Variants in METAP1 observed in about 807,000 individuals in gnomAD.
The protein encoded by METAP1 is methionyl aminopeptidase 1, also known as methionine aminopeptidase 1.
A neutral mutation model predicts 53.8 loss-of-function variants in METAP1; 28 were observed. The ratio of observed to expected loss-of-function variants is 0.52; its 90% CI spans 0.39 to 0.71. The LOEUF (loss-of-function observed/expected upper bound fraction) is 0.71. Ranked by LOEUF, METAP1 falls within the 30% of genes least tolerant of loss-of-function variation. The probability of loss-of-function intolerance (pLI) is 0.00; values close to 1 mark genes in which losing one functional copy is unlikely to be tolerated. For missense variants in METAP1, 389 were observed against 479.8 expected (o/e 0.81, Z 1.77); for synonymous variants, 181 against 165.7 (o/e 1.09, Z -0.71).
intron 1 of METAP1, chr4:99,026,411 T>C (rs772542347): frequency 7.1e-6 from 7 of 985,400 alleles, no homozygotes; most frequent in Non-Finnish European, 7.2e-6. Flanking sequence ...AGTGTGGACA[T>C]TTTTTAGAGA....
chr4:99,040,949 C>A, intron 5 of METAP1, 94 bp from the exon 6 acceptor site: 1 of 550,000 alleles, frequency 1.8e-6, no homozygotes, highest in Non-Finnish European at 3.0e-6. Context: ...AGGGGAGATT[C>A]ATTTTTACCA....
chr4:99,040,474 A>AT (rs35357531), intron 5 of METAP1, among the ~76,000 whole-genome samples: 78,978 of 146,548 alleles, frequency 0.54, 21,772 homozygotes, highest in South Asian at 0.68. Context: ...TCATTCATCT[A>AT]TTTTTTTTTT....
At chr4:98,996,640 A>T (rs1248905697) in intron 1 of METAP1, among the ~76,000 whole-genome samples, 2 of 152,210 alleles carry the variant, frequency 1.3e-5, no homozygotes, top group Non-Finnish European at 2.9e-5. Context: ...TGAATGCTGT[A>T]GTGTATTTTA....
At chr4:99,047,227 A>C (rs915088058) in intron 8 of METAP1, among the ~76,000 whole-genome samples, 10 of 152,160 alleles carry the variant, frequency 6.6e-5, no homozygotes, top group Non-Finnish European at 1.3e-4. Context: ...GGGCCTGATA[A>C]TTTTTTGTTG....
intron 1 of METAP1, chr4:98,997,262 A>G (rs892061832): frequency 6.5e-6 from 1 of 152,708 alleles, no homozygotes; most frequent in African/African-American, 2.4e-5. Flanking sequence ...GCGATTGCAA[A>G]AGGTCTTAGC....
chr4:99,056,471 TG>T (rs1015523041), intron 9 of METAP1, among the ~76,000 whole-genome samples: 4 of 152,206 alleles, frequency 2.6e-5, no homozygotes, highest in African/African-American at 7.2e-5. Flanking sequence ...AAAAAGTACT[TG>T]GAGAGAGAAA....
intron 7 of METAP1, among the ~76,000 whole-genome samples, chr4:99,044,083 A>G (rs994377417): frequency 1.3e-5 from 2 of 152,040 alleles, no homozygotes; most frequent in Non-Finnish European, 1.5e-5. Flanking sequence ...CATTGCTACC[A>G]TGCCCAGCTC....
chr4:99,018,512 G>T (rs896209811), intron 1 of METAP1, among the ~76,000 whole-genome samples: 2 of 152,308 alleles, frequency 1.3e-5, no homozygotes, highest in Admixed American at 1.3e-4. Context: ...CTTCTGTCCT[G>T]TATGGGGGTC....
chr4:99,023,462 G>GAAAGAAT, intron 1 of METAP1: 1 of 980,658 alleles, frequency 1.0e-6, no homozygotes, highest in Non-Finnish European at 1.2e-6. Context: ...GTTACCAGGT[G>GAAAGAAT]ACTACTCAGC....
chr4:99,023,525 G>C (rs937123391), intron 1 of METAP1: 5 of 985,210 alleles, frequency 5.1e-6, no homozygotes, highest in Non-Finnish European at 6.0e-6. Flanking sequence ...TCATCAACAT[G>C]AATTGATGTT....
rs1017264939 is a variant in METAP1 at position 99,022,850 on chromosome 4, T to C, written c.115-6017T>C. 8.3e-6 allele frequency: 13 copies of C among 1,559,978 alleles called. No homozygotes were observed. The African/African-American group carries it at 1.6e-4, about 20-fold the overall frequency. On this transcript the variant is annotated intron_variant, in intron 1 of 10. Coordinates refer to ENST00000296411, the MANE Select transcript of METAP1 (RefSeq NM_015143.3). ...CTTGCTGTGGTACTGCTTTTTTCCC[T>C]CCCACGGCTGCTGCTGCCTTCTTTT...
intron 5 of METAP1, among the ~76,000 whole-genome samples, 151 bp downstream of exon 5, chr4:99,039,616 C>A (rs938893779): frequency 1.2e-4 from 18 of 148,828 alleles, no homozygotes. Context: ...TTTTTTGAGA[C>A]AGAGTTTCAC....
At chr4:99,012,910 G>A (rs62323253) in intron 1 of METAP1, among the ~76,000 whole-genome samples, 4,843 of 152,142 alleles carry the variant, frequency 0.032, 82 homozygotes, top group African/African-American at 0.04. Context: ...TCATAGGTGG[G>A]TTCAAAGATT....
chr4:99,055,423 A>G (rs1043567880), intron 9 of METAP1, among the ~76,000 whole-genome samples: 2 of 151,988 alleles, frequency 1.3e-5, no homozygotes, highest in African/African-American at 4.8e-5. Context: ...AGAAAGAAGG[A>G]AGCAGTATCT....
intron 1 of METAP1, chr4:99,022,332 A>G (rs1032474257): frequency 1.2e-6 from 1 of 841,476 alleles, no homozygotes; most frequent in Non-Finnish European, 1.7e-6. Context: ...TGACCAGGGA[A>G]GATCCCTCCA....
intron 6 of METAP1, 115 bp downstream of exon 6, chr4:99,041,241 T>C: frequency 3.5e-6 from 2 of 575,588 alleles, no homozygotes; most frequent in East Asian, 3.1e-5. Flanking sequence ...GTAAACTCAT[T>C]TGAAAGCAAA....
At chr4:99,008,836 ACACC>A (rs1342159390) in intron 1 of METAP1, among the ~76,000 whole-genome samples, 1 of 152,224 alleles carries the variant, frequency 6.6e-6, no homozygotes, top group East Asian at 1.9e-4. Context: ...TGCATTATAT[ACACC>A]TATACAGTTT....
At chr4:99,016,100 G>A (rs62323254) in intron 1 of METAP1, among the ~76,000 whole-genome samples, 3,359 of 152,282 alleles carry the variant, frequency 0.022, 46 homozygotes, top group Non-Finnish European at 0.035. Context: ...AGGCTGATGC[G>A]ATTGTACTGG....
chr4:99,003,457 G>T (rs376810117), intron 1 of METAP1, among the ~76,000 whole-genome samples: 25 of 152,242 alleles, frequency 1.6e-4, no homozygotes, highest in African/African-American at 5.5e-4. Context: ...TCTGAGTGGG[G>T]ATTTATGTTA....
Sources: allele counts gnomAD v4.1 joint callset (sites outside exome capture counted in the v4.1 genomes callset), GRCh38; gene constraint gnomAD v4.1.1; transcripts MANE v1.5; gene names NCBI Gene and HGNC (gene_info 2026-07-23, HGNC 2026-07-21).